KIF19: variants seen among roughly 807,000 people sequenced by gnomAD.
KIF19 encodes the protein kinesin family member 19.
KIF19 carries 98 observed loss-of-function variants against 106.6 expected under a neutral mutation model. The ratio of observed to expected loss-of-function variants is 0.92; its 90% CI spans 0.78 to 1.09. The LOEUF (loss-of-function observed/expected upper bound fraction) is 1.09. KIF19 is among the 50% of genes least tolerant of loss of function. The probability of loss-of-function intolerance (pLI) is 0.00; values close to 1 mark genes in which losing one functional copy is unlikely to be tolerated. For missense variants in KIF19, 1,373 were observed against 1,414.3 expected (o/e 0.97, Z 0.47); for synonymous variants, 516 against 584.2 (o/e 0.88, Z 1.68).
chr17:74,353,240 CA>C lies in KIF19; in HGVS notation c.2164del (p.Ser722AlafsTer16). ...VFKAGTGAWQAKSSSVPTPPP... is the reference protein window; with the variant it reads ...VFKAGTGAWQXKSSSVPTPPP... ...AAGGCTGGTACTGGGGCCTGGCAGG[CA>C]AAAAGCTCCTCTGTGCCCACCCCAC... On this transcript the variant is annotated frameshift_variant, in exon 16 of 20. Coordinates refer to ENST00000389916, the MANE Select transcript of KIF19 (RefSeq NM_153209.4). LOFTEE classifies it high-confidence loss of function. 2 of 1,587,672 alleles carry C rather than the reference CA, an allele frequency of 1.3e-6. No individual in the cohort carries two copies. The highest frequency in any genetic ancestry group is 8.6e-7 in the Non-Finnish European group (1 of 1,167,632).
At chr17:74,339,323 A>G (rs932451447) in intron 2 of KIF19, among the ~76,000 whole-genome samples, 10 of 151,770 alleles carry the variant, frequency 6.6e-5, no homozygotes, top group African/African-American at 2.4e-4. Flanking sequence ...TAGCAACATG[A>G]CTTTGTGCCT....
rs2054469000 is a variant in KIF19 at position 74,344,316 on chromosome 17, A to G, written c.550A>G (p.Ile184Val). The change falls in exon 6 of 20, where the codon ATC (isoleucine) becomes GTC (valine). Residue 184 changes from isoleucine (I) to valine (V), a missense_variant. This residue lies in a region of KIF19 where 348 missense variants were observed against 389.5 expected (regional missense o/e 0.89). Coordinates refer to ENST00000389916, the MANE Select transcript of KIF19 (RefSeq NM_153209.4). ...TAAGGGGGTGATCCAGGTGGCCGGCATCACCGAAGTCTCCACCATCAATGC... is the reference window on the plus strand; with the variant it reads ...TAAGGGGGTGATCCAGGTGGCCGGCGTCACCGAAGTCTCCACCATCAATGC... ...DSKGVIQVAG[I>V]TEVSTINAKE... is the part of the protein sequence containing the mutation. The G allele has an allele frequency of 2.5e-6, 4 of 1,612,816 alleles. No homozygotes were observed. The highest frequency in any genetic ancestry group is 3.4e-6 in the Non-Finnish European group (4 of 1,179,798).
At chr17:74,353,343 G>A (rs1320580927) in intron 16 of KIF19, 42 bp downstream of exon 16, 1 of 1,511,882 alleles carries the variant, frequency 6.6e-7, no homozygotes, top group Non-Finnish European at 9.0e-7. Flanking sequence ...CTCCACTGCA[G>A]CGGGTGCGGG....
At chr17:74,347,429 C>T (rs1490530179) in intron 8 of KIF19, among the ~76,000 whole-genome samples, 1 of 151,538 alleles carries the variant, frequency 6.6e-6, no homozygotes, top group Non-Finnish European at 1.5e-5. Context: ...CCCAGCTACT[C>T]GAGAGGCTGA....
At chr17:74,350,059 A>G (rs1164249448) in intron 10 of KIF19, among the ~76,000 whole-genome samples, 1 of 152,222 alleles carries the variant, frequency 6.6e-6, no homozygotes, top group African/African-American at 2.4e-5. Context: ...TAGGCCTCCC[A>G]AAGTGCTGGG....
At chr17:74,343,988 C>T (rs1162536749) in intron 5 of KIF19, among the ~76,000 whole-genome samples, 1 of 152,172 alleles carries the variant, frequency 6.6e-6, no homozygotes, top group East Asian at 1.9e-4. Flanking sequence ...GGTTTCAAAG[C>T]CTCCTGTAAC....
chr17:74,337,902 G>T (rs1422351382), intron 2 of KIF19, among the ~76,000 whole-genome samples: 1 of 152,232 alleles, frequency 6.6e-6, no homozygotes, highest in Non-Finnish European at 1.5e-5. Flanking sequence ...TGCTAGAGGG[G>T]ACAGGAATAG....
chr17:74,349,063 G>A, intron 9 of KIF19, 121 bp from the exon 10 acceptor site: 3 of 915,052 alleles, frequency 3.3e-6, no homozygotes, highest in South Asian at 1.6e-5. Flanking sequence ...GAGGAAAGGA[G>A]GCCATTACTG....
chr17:74,339,452 A>T (rs112516037), intron 2 of KIF19, among the ~76,000 whole-genome samples: 1 of 148,658 alleles, frequency 6.7e-6, no homozygotes, highest in South Asian at 2.1e-4. Context: ...CTCCCTCGCC[A>T]CCTTCCCTCC....
rs760967303 is a variant in KIF19, at chr17:74,349,347, A to C, written c.1211A>C (p.Gln404Pro). 255 of 1,597,374 alleles carry C rather than the reference A, an allele frequency of 1.6e-4. No homozygotes were observed. Among genetic ancestry groups the C allele is most frequent in the Non-Finnish European group, 2.1e-4 (249 of 1,172,380 alleles). Residue 404 changes from glutamine to proline, a missense_variant and splice_region_variant, in exon 10 of 20, where the codon CAA (glutamine) becomes CCA (proline). Gln to Pro is a moderately conservative substitution (Grantham distance 76, BLOSUM62 -1). This residue lies in a region of KIF19 where 1,020 missense variants were observed against 1,008.2 expected (regional missense o/e 1.01). Transcript: ENST00000389916. ...GATCGGGGTGACATCCGCCACATCC[A>C]AGGTGCGCCTGTGGGTCTGTGTGAG... is the stretch of plus-strand genomic sequence containing the variant. ...RQDRGDIRHI[Q>P]AEVQLHSGQG...
At position 74,346,374 on chromosome 17, in the gene KIF19, C is replaced by G. The variant is rs1430559989; in HGVS notation, c.778-4C>G. The G allele has an allele frequency of 6.4e-7, 1 of 1,570,874 alleles. No individual in the cohort carries two copies. The highest frequency in any genetic ancestry group is 2.4e-5 in the East Asian group (1 of 42,022). On this transcript the variant is annotated splice_polypyrimidine_tract_variant and splice_region_variant and intron_variant, in intron 7 of 19. Coordinates refer to ENST00000389916, the MANE Select transcript of KIF19 (RefSeq NM_153209.4). The surrounding 1 kb of genome is among the most constrained non-coding windows in gnomAD (Gnocchi z 4.6). ...CACACGTGTGCCCTTTGCTCGCCCCCTAGACACAGAATCGTGGGCAGCGTA... is the reference window on the plus strand; with the variant it reads ...CACACGTGTGCCCTTTGCTCGCCCCGTAGACACAGAATCGTGGGCAGCGTA...
chr17:74,353,827 G>T (rs2054793468), intron 17 of KIF19, among the ~76,000 whole-genome samples: 1 of 152,188 alleles, frequency 6.6e-6, no homozygotes. Context: ...GAGACATGTG[G>T]CATGGAGACT....
chr17:74,349,160 C>T, intron 9 of KIF19, 24 bp from the exon 10 acceptor site: 3 of 1,613,390 alleles, frequency 1.9e-6, no homozygotes, highest in South Asian at 1.1e-5. Context: ...TGCATCCCCT[C>T]CGCTCCATAC....
intron 2 of KIF19, among the ~76,000 whole-genome samples, chr17:74,338,934 T>TG (rs1410694755): frequency 6.6e-6 from 1 of 151,910 alleles, no homozygotes; most frequent in East Asian, 1.9e-4. Context: ...AAGCCCTTTT[T>TG]GGGACTGTCA....
rs775941279 is a variant in KIF19, at chr17:74,353,576, A to G, written c.2303A>G (p.His768Arg). 2 of 1,613,224 alleles carry G rather than the reference A, an allele frequency of 1.2e-6. No individual in the cohort carries two copies. Among genetic ancestry groups the G allele is most frequent in the Admixed American group, 3.3e-5 (2 of 60,018 alleles). ...AACCTGTCGGAGATCCCCTTGTCCC[A>G]CAAAGGTATGTGTGCCCTCTGCTGC... ...SENLSEIPLS[H>R]KERKEILTGT... is the part of the protein sequence containing the mutation. Residue 768 changes from histidine to arginine, a missense_variant, in exon 17 of 20, where the codon CAC (histidine) becomes CGC (arginine). Coordinates refer to ENST00000389916, the MANE Select transcript of KIF19 (RefSeq NM_153209.4).
chr17:74,343,971 G>A (rs2054456114), intron 5 of KIF19, among the ~76,000 whole-genome samples: 1 of 152,166 alleles, frequency 6.6e-6, no homozygotes. Flanking sequence ...GGAAAGGGGT[G>A]CTCCTTGGTT....
chr17:74,352,903 C>G lies in KIF19; in HGVS notation c.2063C>G (p.Ser688Cys), dbSNP rs2054759130. 1.2e-6 allele frequency: 2 copies of G among 1,613,856 alleles called. No individual in the cohort carries two copies. The highest frequency in any genetic ancestry group is 2.7e-5 in the African/African-American group (2 of 74,934). Reference protein sequence around the residue: ...SDLESVKTLSSDAQHLQNSAL... With the variant: ...SDLESVKTLSCDAQHLQNSAL... ...CTGGAGAGTGTGAAGACATTGAGCT[C>G]TGATGCCCAGCACCTGCAGAACAGC... The change falls in exon 15 of 20, where the codon TCT becomes TGT. Residue 688 changes from serine (S) to cysteine (C), a missense_variant. Around this residue, in one of 3 missense-constraint regions of KIF19, gnomAD observed 1,020 missense variants for 1,008.2 expected, o/e 1.01. Coordinates refer to ENST00000389916, the MANE Select transcript of KIF19 (RefSeq NM_153209.4).
At position 74,340,384 on chromosome 17, in the gene KIF19, G is replaced by A. The variant is rs80263690; in HGVS notation, c.121-1492G>A. ...TCCTCTGCATCTCTGCATAGAGCTC[G>A]GGACAAGGCTGAGTACACACCAAGT... On this transcript the variant is annotated intron_variant, in intron 2 of 19. Coordinates refer to ENST00000389916, the MANE Select transcript of KIF19 (RefSeq NM_153209.4). Among the ~76,000 whole-genome samples the A allele has an allele frequency of 7.9e-5, 12 of 152,268 alleles. No homozygotes were observed. In the East Asian group the frequency reaches 9.6e-4, roughly 12 times the overall value.
At chr17:74,351,421 C>G (rs1482698598) in intron 12 of KIF19, 1 of 166,570 alleles carries the variant, frequency 6.0e-6, no homozygotes, top group African/African-American at 2.4e-5. Flanking sequence ...TGCAACCCTG[C>G]AGAGGTTGCA....
Sources: gnomAD v4.1 joint callset for allele counts (sites outside exome capture counted in the v4.1 genomes callset) on GRCh38, gnomAD v4.1.1 for gene constraint, gnomAD v4.1.1 regional missense constraint, Gnocchi (gnomAD v3.1) non-coding constraint, MANE v1.5 for transcripts, NCBI Gene and HGNC (gene_info 2026-07-23, HGNC 2026-07-21) for gene names.